UBE2V1: variants seen among roughly 807,000 people sequenced by gnomAD.
UBE2V1 encodes the protein ubiquitin-conjugating enzyme E2 variant 1.
A neutral mutation model predicts 19.6 loss-of-function variants in UBE2V1; 15 were observed. The observed-to-expected ratio is 0.77, with a 90% CI of 0.51 to 1.18. The LOEUF is 1.18. UBE2V1 is among the 50% of genes most tolerant of loss of function. UBE2V1 has a pLI of 0.00. For missense variants in UBE2V1, 125 were observed against 184.8 expected (o/e 0.68, Z 1.88); for synonymous variants, 60 against 60.7 (o/e 0.99, Z 0.05).
At chr20:50,084,777 G>A (rs2078811940) in intron 2 of UBE2V1, 1 of 345,072 alleles carries the variant, frequency 2.9e-6, no homozygotes, top group Non-Finnish European at 5.7e-6. Flanking sequence ...CACTGGGTAA[G>A]GGATTTCAAC....
chr20:50,104,280 C>CAAA lies in UBE2V1; in HGVS notation c.23-7463_23-7461dup, dbSNP rs34011542. The CAAA allele has an allele frequency of 1.9e-3, 1,593 of 840,402 alleles. 7 individuals are homozygous for CAAA. Among genetic ancestry groups the CAAA allele is most frequent in the African/African-American group, 0.017 (585 of 34,064 alleles). The allele number at this position is 840,402 out of a possible 1,614,324, so 52.1% of individuals were successfully genotyped here. A position where few individuals can be genotyped will look rare whatever the true frequency, so the allele number is the denominator to read the frequency against. On this transcript the variant is annotated intron_variant, in intron 1 of 3. Coordinates refer to ENST00000371674, the MANE Select transcript of UBE2V1 (RefSeq NM_001032288.3). Reference sequence around the variant, plus strand: ...CTGGCAATAGGGCCAGACTCCGTCTCAAAAAAAAAAAAAAAAAAGGCAGTA... The same window carrying CAAA: ...CTGGCAATAGGGCCAGACTCCGTCTCAAAAAAAAAAAAAAAAAAAAAGGCAGTA...
chr20:50,103,046 A>C (rs567754603), intron 1 of UBE2V1, among the ~76,000 whole-genome samples: 1 of 152,226 alleles, frequency 6.6e-6, no homozygotes. Context: ...CATAGTACTC[A>C]TTGCCACTCG....
chr20:50,088,693 G>A (rs1420247208), intron 2 of UBE2V1, among the ~76,000 whole-genome samples: 1 of 151,584 alleles, frequency 6.6e-6, no homozygotes. Context: ...GGCTGAGGCA[G>A]GAGGATTACT....
At chr20:50,105,593 A>G (rs1346414296) in intron 1 of UBE2V1, among the ~76,000 whole-genome samples, 5 of 152,228 alleles carry the variant, frequency 3.3e-5, no homozygotes, top group Admixed American at 3.3e-4. Context: ...TTCTGTGTGA[A>G]TCTGACACCA....
intron 1 of UBE2V1, chr20:50,104,428 C>T (rs1392551758): frequency 4.2e-5 from 35 of 840,072 alleles, no homozygotes; most frequent in South Asian, 2.7e-4. Context: ...GAGGCCGAGG[C>T]GGGCGGATCA....
chr20:50,111,468 A>T, intron 1 of UBE2V1: 1 of 1,000,328 alleles, frequency 1.0e-6, no homozygotes, highest in Non-Finnish European at 1.2e-6. Context: ...TCTGGTGAGA[A>T]GTTTTACCCA....
rs1174665321 is a variant in UBE2V1 at position 50,104,315 on chromosome 20, GT to G, written c.23-7496del. ...AAAAAAAAAGGCAGTATTTCCTATT[GT>G]AAACTCTAATCTACTGGGTCCAAAA... On this transcript the variant is annotated intron_variant, in intron 1 of 3. Transcript: ENST00000371674. 15 of 877,976 alleles carry G rather than the reference GT, an allele frequency of 1.7e-5. No individual in the cohort carries two copies. The African/African-American group carries it at 2.7e-4, about 16-fold the overall frequency. The allele number at this position is 877,976 out of a possible 1,614,324, so 54.4% of individuals were successfully genotyped here.
intron 1 of UBE2V1, among the ~76,000 whole-genome samples, chr20:50,102,210 A>G (rs1180817428): frequency 6.6e-6 from 1 of 152,190 alleles, no homozygotes; most frequent in Non-Finnish European, 1.5e-5. Context: ...AGGGTAATTA[A>G]TTCAACAGCT....
chr20:50,115,411 C>A, upstream of UBE2V1: 1 of 1,400,940 alleles, frequency 7.1e-7, no homozygotes, highest in East Asian at 2.7e-5. Context: ...ACAGAAAATA[C>A]TTGCCCTGGA....
chr20:50,106,400 G>A (rs779475876), intron 1 of UBE2V1, among the ~76,000 whole-genome samples: 1 of 152,196 alleles, frequency 6.6e-6, no homozygotes, highest in African/African-American at 2.4e-5. Context: ...CTGAAACACA[G>A]CAACATATTA....
chr20:50,102,161 T>C (rs111804979), intron 1 of UBE2V1, among the ~76,000 whole-genome samples: 23 of 152,298 alleles, frequency 1.5e-4, no homozygotes, highest in African/African-American at 5.3e-4. Context: ...AAACTTCTTA[T>C]AGGCCTGCGT....
At chr20:50,087,731 G>A (rs2079003593) in intron 2 of UBE2V1, among the ~76,000 whole-genome samples, 1 of 152,136 alleles carries the variant, frequency 6.6e-6, no homozygotes. Context: ...GCAAACTTGT[G>A]CACAAAATGT....
intron 1 of UBE2V1, among the ~76,000 whole-genome samples, chr20:50,105,137 A>G (rs1458299424): frequency 6.6e-6 from 1 of 152,236 alleles, no homozygotes; most frequent in Non-Finnish European, 1.5e-5. Flanking sequence ...TCTTCACTAT[A>G]AAATGAACTT....
chr20:50,087,982 A>G (rs2301020), intron 2 of UBE2V1, among the ~76,000 whole-genome samples: 89,943 of 151,648 alleles, frequency 0.59, 28,607 homozygotes, highest in African/African-American at 0.84. Flanking sequence ...CCAATTCTGG[A>G]TATATTTGTG....
In UBE2V1 at chr20:50,100,742, G is replaced by A. The variant is rs146693070; in HGVS notation, c.23-3922C>T. Among the ~76,000 whole-genome samples the A allele has an allele frequency of 3.8e-3, 575 of 152,300 alleles. 3 individuals carry two copies. Among genetic ancestry groups the A allele is most frequent in the African/African-American group, 0.013 (537 of 41,566 alleles). On this transcript the variant is annotated intron_variant, in intron 1 of 3. Transcript: ENST00000371674. ...ACAAAAAAATGTGTTAGTTTCTTAT[G>A]TCAGGTATTTAAATGTCAGCTGGAC...
chr20:50,112,133 T>C (rs1484716083), intron 1 of UBE2V1, among the ~76,000 whole-genome samples: 10 of 152,166 alleles, frequency 6.6e-5, no homozygotes, highest in Admixed American at 5.9e-4. Flanking sequence ...ACTTCTAGGA[T>C]ATGCTTCCCT....
chr20:50,108,010 G>A (rs1201627536), intron 1 of UBE2V1, among the ~76,000 whole-genome samples: 4 of 152,228 alleles, frequency 2.6e-5, no homozygotes, highest in Non-Finnish European at 5.9e-5. Flanking sequence ...AAGATCAGAG[G>A]TGTGTGACAC....
chr20:50,082,402 C>G lies in UBE2V1; in HGVS notation c.*366G>C. The G allele has an allele frequency of 4.5e-6, 1 of 220,186 alleles. No individual in the cohort carries two copies. The highest frequency in any genetic ancestry group is 9.1e-6 in the Non-Finnish European group (1 of 109,526). The allele number at this position is 220,186 out of a possible 1,614,324, so 13.6% of individuals were successfully genotyped here. ...GGAGGGTAAGGGGAGAAGGCAGAGA[C>G]CCCAGGCCGTGTAATCAGCAGCAAG... is the stretch of plus-strand genomic sequence containing the variant. On this transcript the variant is annotated 3_prime_UTR_variant, in exon 4 of 4. Coordinates refer to ENST00000371674, the MANE Select transcript of UBE2V1 (RefSeq NM_001032288.3).
At chr20:50,086,253 C>G (rs2078907421) in intron 2 of UBE2V1, among the ~76,000 whole-genome samples, 1 of 152,172 alleles carries the variant, frequency 6.6e-6, no homozygotes, top group Non-Finnish European at 1.5e-5. Context: ...GCTGCTTCCC[C>G]TTGGAAGTGT....
Sources: gnomAD v4.1 joint callset for allele counts (sites outside exome capture counted in the v4.1 genomes callset) on GRCh38, gnomAD v4.1.1 for gene constraint, MANE v1.5 for transcripts, NCBI Gene and HGNC (gene_info 2026-07-23, HGNC 2026-07-21) for gene names.